The following C10orf90 variants were observed in gnomAD, a reference collection of about 807,000 sequenced individuals.
C10orf90 encodes (E2-independent) E3 ubiquitin-conjugating enzyme FATS.
A neutral mutation model predicts 62.5 loss-of-function variants in C10orf90; 56 were observed. The observed-to-expected ratio is 0.90, with a 90% CI of 0.72 to 1.12. The LOEUF (loss-of-function observed/expected upper bound fraction) is 1.12. C10orf90 is among the 50% of genes most tolerant of loss of function. The pLI is 0.00. For missense variants in C10orf90, 970 were observed against 880.4 expected (o/e 1.10, Z -1.29); for synonymous variants, 386 against 340.4 (o/e 1.13, Z -1.47).
intron 1 of C10orf90, among the ~76,000 whole-genome samples, chr10:126,650,896 A>G (rs941916981): frequency 6.6e-6 from 1 of 151,794 alleles, no homozygotes; most frequent in Non-Finnish European, 1.5e-5. Flanking sequence ...CCCCCCAGCC[A>G]CCTGCCACTT....
intron 2 of C10orf90, among the ~76,000 whole-genome samples, chr10:126,571,961 AAAGG>A (rs1178556157): frequency 6.6e-6 from 1 of 152,156 alleles, no homozygotes; most frequent in African/African-American, 2.4e-5. Context: ...GGTAGTGGCA[AAAGG>A]AAAACCTCAA....
chr10:126,480,249 G>C (rs1214213905), intron 4 of C10orf90, among the ~76,000 whole-genome samples: 2 of 152,192 alleles, frequency 1.3e-5, no homozygotes, highest in African/African-American at 4.8e-5. Flanking sequence ...GTGATAAAAT[G>C]TTAGTACCAC....
chr10:126,649,833 G>T (rs1191615309), intron 1 of C10orf90, among the ~76,000 whole-genome samples: 3 of 152,172 alleles, frequency 2.0e-5, no homozygotes, highest in Non-Finnish European at 4.4e-5. Context: ...TGGGAGCAGG[G>T]CCTACCTGTA....
chr10:126,582,498 C>T (rs926728065), intron 2 of C10orf90, among the ~76,000 whole-genome samples: 1 of 152,168 alleles, frequency 6.6e-6, no homozygotes, highest in African/African-American at 2.4e-5. Flanking sequence ...CACCAGCGTT[C>T]ACTGTGAAAA....
At chr10:126,658,933 C>T (rs566907744) in intron 1 of C10orf90, among the ~76,000 whole-genome samples, 23 of 152,304 alleles carry the variant, frequency 1.5e-4, no homozygotes, top group Middle Eastern at 3.4e-3. Context: ...ATTTTCATTT[C>T]GCAAGCTTCC....
intron 2 of C10orf90, among the ~76,000 whole-genome samples, chr10:126,526,170 A>C (rs1863938252): frequency 6.6e-6 from 1 of 151,592 alleles, no homozygotes; most frequent in South Asian, 2.1e-4. Flanking sequence ...CATGTCTCTG[A>C]CTTTTAGTTA....
At chr10:126,552,771 C>T (rs962852485) in intron 2 of C10orf90, among the ~76,000 whole-genome samples, 42 of 152,162 alleles carry the variant, frequency 2.8e-4, no homozygotes, top group African/African-American at 1.0e-3. Context: ...TGCTGCATGG[C>T]GGGATAAATT....
At chr10:126,663,800 C>T (rs1846567353) in intron 1 of C10orf90, among the ~76,000 whole-genome samples, 1 of 152,278 alleles carries the variant, frequency 6.6e-6, no homozygotes, top group African/African-American at 2.4e-5. Context: ...TATTTAAAAA[C>T]ATAGATTTCT....
chr10:126,497,834 A>C (rs1862153401), intron 4 of C10orf90, among the ~76,000 whole-genome samples: 1 of 152,144 alleles, frequency 6.6e-6, no homozygotes, highest in African/African-American at 2.4e-5. Context: ...CAATACAACT[A>C]TTTACAAAAA....
At chr10:126,582,274 G>A (rs1234520003) in intron 2 of C10orf90, among the ~76,000 whole-genome samples, 1 of 152,170 alleles carries the variant, frequency 6.6e-6, no homozygotes, top group Non-Finnish European at 1.5e-5. Context: ...TTAAAGAATA[G>A]GACTGCATGC....
intron 4 of C10orf90, among the ~76,000 whole-genome samples, chr10:126,499,726 G>C (rs1205004337): frequency 6.6e-6 from 1 of 152,176 alleles, no homozygotes; most frequent in Admixed American, 6.5e-5. Context: ...GGACATCTCA[G>C]ACCAATGCCA....
intron 2 of C10orf90, among the ~76,000 whole-genome samples, chr10:126,630,454 T>A (rs1375321654): frequency 2.0e-5 from 3 of 152,048 alleles, no homozygotes; most frequent in Non-Finnish European, 2.9e-5. Flanking sequence ...GGTCCTGGGC[T>A]TGGCGATGGT....
chr10:126,670,424 G>A lies in C10orf90; in HGVS notation c.57C>T (p.Tyr19=). The part of the protein sequence containing the change: ...KTHPQGYAAR[Y]TETAVHRTFQ... ...AAGTCCGATGCACGGCCGTTTCTGTGTAGCGGGCAGCATACCCCTGCGGAT... is the reference window on the plus strand; with the variant it reads ...AAGTCCGATGCACGGCCGTTTCTGTATAGCGGGCAGCATACCCCTGCGGAT... Residue 19 remains tyrosine, a synonymous_variant, in exon 1 of 10, where the codon TAC becomes TAT. Transcript: ENST00000488181. The A allele has an allele frequency of 2.2e-6, 1 of 456,622 alleles. No homozygotes were observed. The highest frequency in any genetic ancestry group is 6.9e-5 in the East Asian group (1 of 14,396). The allele number at this position is 456,622 out of a possible 1,614,324, so 28.3% of individuals were successfully genotyped here.
chr10:126,502,726 A>G, intron 4 of C10orf90: 1 of 482,334 alleles, frequency 2.1e-6, no homozygotes, highest in Non-Finnish European at 4.2e-6. Flanking sequence ...TGGAATCATC[A>G]TCAATAAGGA....
At chr10:126,538,334 G>T (rs1430037999) in intron 2 of C10orf90, among the ~76,000 whole-genome samples, 1 of 152,120 alleles carries the variant, frequency 6.6e-6, no homozygotes, top group Non-Finnish European at 1.5e-5. Flanking sequence ...ATGAGATTTG[G>T]GTGGGGACAC....
intron 2 of C10orf90, among the ~76,000 whole-genome samples, chr10:126,534,810 C>T (rs746151209): frequency 6.6e-6 from 1 of 152,172 alleles, no homozygotes; most frequent in Admixed American, 6.5e-5. Context: ...CTTGTTTCCG[C>T]GTAGTGGGAA....
rs1199479672 is a variant in C10orf90, at chr10:126,600,138, ATG to A, written c.313+46425_313+46426del. Among the ~76,000 whole-genome samples the A allele has an allele frequency of 3.9e-5, 6 of 152,288 alleles. No individual in the cohort carries two copies. In the East Asian group the frequency reaches 1.2e-3, roughly 29 times the overall value. On this transcript the variant is annotated intron_variant, in intron 2 of 9. Transcript: ENST00000488181. Reference sequence around the variant, plus strand: ...GTGTGCACGCAGGTGTGTGCATCGCATGTGTGTGCACAAGTGTGTGCGTATCG... The same window carrying A: ...GTGTGCACGCAGGTGTGTGCATCGCATGTGTGCACAAGTGTGTGCGTATCG...
intron 3 of C10orf90, chr10:126,512,024 G>A (rs1024566548): frequency 2.0e-5 from 3 of 151,656 alleles, no homozygotes; most frequent in African/African-American, 7.3e-5. Flanking sequence ...GAGACTTACG[G>A]CAGCCACAGT....
chr10:126,464,055 T>C (rs1860147042), intron 5 of C10orf90, among the ~76,000 whole-genome samples: 1 of 152,230 alleles, frequency 6.6e-6, no homozygotes, highest in African/African-American at 2.4e-5. Context: ...ATGTACATTT[T>C]TCCTGCTGAC....
Sources: allele counts gnomAD v4.1 joint callset (sites outside exome capture counted in the v4.1 genomes callset), GRCh38; gene constraint gnomAD v4.1.1; transcripts MANE v1.5; gene names NCBI Gene and HGNC (gene_info 2026-07-23, HGNC 2026-07-21).